The following PSME4 variants were observed in gnomAD, a reference collection of about 807,000 sequenced individuals.
PSME4 encodes the protein proteasome activator subunit 4.
Under a neutral mutation model 253.9 loss-of-function variants are expected in PSME4, and 89 were observed. The ratio of observed to expected loss-of-function variants is 0.35; its 90% confidence interval spans 0.30 to 0.42. PSME4 has a LOEUF of 0.42. Among genes scored for constraint, PSME4 ranks in the 10% least tolerant of loss-of-function variants. The pLI, the probability that PSME4 is intolerant of heterozygous loss-of-function variation, is 1.00. For synonymous variants in PSME4, 851 were observed against 759.2 expected (o/e 1.12, Z -1.99); for missense variants, 2,014 against 2,195.2 (o/e 0.92, Z 1.65).
rs1294457902 is a variant in PSME4, at chr2:53,887,896, G to A, written c.4482C>T (p.Leu1494=). 3.7e-6 allele frequency: 6 copies of A among 1,603,728 alleles called. No homozygotes were observed. The highest frequency in any genetic ancestry group is 5.1e-6 in the Non-Finnish European group (6 of 1,170,736). Residue 1494 remains leucine (L), a synonymous_variant, in exon 39 of 47, where the codon CTC becomes CTT. Coordinates refer to ENST00000404125, the MANE Select transcript of PSME4 (RefSeq NM_014614.3). ...CTCTGACATTTTTGTAAACCTGGGT[G>A]AGTTTGGGTTCCAAGTACTTCAGTA... is the stretch of plus-strand genomic sequence containing the variant. ...HRLLKYLEPK[L]TQVYKNVRER... is the part of the protein sequence containing the mutation.
At chr2:53,939,841 A>C in intron 4 of PSME4, 115 bp downstream of exon 4, 3 of 829,736 alleles carry the variant, frequency 3.6e-6, no homozygotes, top group Non-Finnish European at 5.6e-6. Context: ...CTCAGTGACT[A>C]ACATCACAAT....
chr2:53,959,631 G>A (rs2104486388), intron 1 of PSME4, among the ~76,000 whole-genome samples: 1 of 152,200 alleles, frequency 6.6e-6, no homozygotes, highest in African/African-American at 2.4e-5. Context: ...GAAAACTAAG[G>A]GATCAGGAAC....
At chr2:53,909,107 A>C (rs1335577651) in intron 21 of PSME4, among the ~76,000 whole-genome samples, 1 of 152,174 alleles carries the variant, frequency 6.6e-6, no homozygotes, top group African/African-American at 2.4e-5. Flanking sequence ...CCTGCTTATA[A>C]AACTTCATGG....
chr2:53,889,951 G>T (rs1260954266), intron 37 of PSME4, among the ~76,000 whole-genome samples, 153 bp downstream of exon 37: 1 of 152,102 alleles, frequency 6.6e-6, no homozygotes, highest in African/African-American at 2.4e-5. Flanking sequence ...TAGAATAATA[G>T]TCTCTAATCC....
At chr2:53,933,902 C>CA (rs1434280600) in intron 8 of PSME4, among the ~76,000 whole-genome samples, 1 of 151,952 alleles carries the variant, frequency 6.6e-6, no homozygotes, top group Non-Finnish European at 1.5e-5. Flanking sequence ...AATAAAATGG[C>CA]AAAAACAAGG....
intron 1 of PSME4, 75 bp from the exon 2 acceptor site, chr2:53,949,358 T>C (rs974292726): frequency 7.1e-6 from 7 of 987,236 alleles, no homozygotes; most frequent in African/African-American, 6.7e-5. Context: ...GCATTATCCA[T>C]AGAAGCCAAG....
rs1678517796 is a variant in PSME4 at position 53,865,376 on chromosome 2, A to T, written c.*202T>A. The T allele has an allele frequency of 6.6e-6, 1 of 152,546 alleles. No individual in the cohort carries two copies. 9.4% of individuals were successfully genotyped at this position (152,546 alleles called of 1,614,324 possible). ...AAAAAAAAAGTGATCAGTATTCTGG[A>T]AACACTTCCGGACAAGTTGGGAAAT... On this transcript the variant is annotated 3_prime_UTR_variant, in exon 47 of 47. Coordinates refer to ENST00000404125, the MANE Select transcript of PSME4 (RefSeq NM_014614.3).
chr2:53,951,161 C>A (rs1028888611), intron 1 of PSME4, among the ~76,000 whole-genome samples: 1 of 152,126 alleles, frequency 6.6e-6, no homozygotes, highest in African/African-American at 2.4e-5. Context: ...CAGCTCACCG[C>A]AACCTCTGCC....
In PSME4 at chr2:53,936,844, T is replaced by C. The variant is rs756945097; in HGVS notation, c.696-17A>G. ...AACCAAAGTCTAAAGAAGAAAAATG[T>C]TGTTATGAATAGCAAGTGATTTTAA... On this transcript the variant is annotated splice_polypyrimidine_tract_variant and intron_variant, in intron 5 of 46. Transcript: ENST00000404125. 1.9e-6 allele frequency: 3 copies of C among 1,551,298 alleles called. No individual in the cohort carries two copies. The highest frequency in any genetic ancestry group is 4.7e-5 in the East Asian group (2 of 42,678).
At position 53,949,157 on chromosome 2, in the gene PSME4, C is replaced by A; in HGVS notation, c.369G>T (p.Leu123Phe). 6.3e-7 allele frequency: 1 copy of A among 1,596,870 alleles called. No homozygotes were observed. The highest frequency in any genetic ancestry group is 8.5e-7 in the Non-Finnish European group (1 of 1,171,664). Residue 123 changes from leucine to phenylalanine, a missense_variant, in exon 2 of 47, where the codon TTG becomes TTT. Physicochemically the swap from Leu to Phe is conservative, Grantham distance 22. This residue lies in a region of PSME4 where 615 missense variants were observed against 594.4 expected (regional missense o/e 1.03). Transcript: ENST00000404125. ...AAAAGACTTACTTTAACAAGTTGAT[C>A]AAAAGGCGGGCAAATCCCTGCATCA... Reference protein sequence around the residue: ...ISMMQGFARLLINLLKKKELL... With the variant: ...ISMMQGFARLFINLLKKKELL...
chr2:53,923,175 A>T (rs1668400803), intron 15 of PSME4, 57 bp from the exon 16 acceptor site: 26 of 1,512,298 alleles, frequency 1.7e-5, no homozygotes, highest in Non-Finnish European at 2.3e-5. Flanking sequence ...ATACAAGATT[A>T]TATTTTCAGT....
At chr2:53,878,725 T>C (rs928149594) in intron 41 of PSME4, among the ~76,000 whole-genome samples, 1 of 152,186 alleles carries the variant, frequency 6.6e-6, no homozygotes, top group Non-Finnish European at 1.5e-5. Flanking sequence ...ATGAGGAAAT[T>C]CCTGCCTAAT....
chr2:53,929,144 C>T (rs1026557085), intron 10 of PSME4, among the ~76,000 whole-genome samples: 12 of 145,296 alleles, frequency 8.3e-5, no homozygotes, highest in South Asian at 2.3e-4. Flanking sequence ...CCAGCCTGGG[C>T]GACAGAGCAA....
chr2:53,936,205 T>C lies in PSME4; in HGVS notation c.760-44A>G, dbSNP rs763145792. 6.2e-6 allele frequency: 10 copies of C among 1,609,862 alleles called. No individual in the cohort carries two copies. In the South Asian group the frequency reaches 7.7e-5, roughly 12 times the overall value. ...GACAAAGTTAATATATTTGTTGTTA[T>C]TGTTTAAGTGTCATAGTCACACCCC... is the stretch of plus-strand genomic sequence containing the variant. On this transcript the variant is annotated intron_variant, in intron 6 of 46. Transcript: ENST00000404125.
At position 53,875,645 on chromosome 2, in the gene PSME4, T is replaced by C; in HGVS notation, c.4926A>G (p.Val1642=). The C allele has an allele frequency of 6.2e-7, 1 of 1,607,244 alleles. No individual in the cohort carries two copies. Among genetic ancestry groups the C allele is most frequent in the Non-Finnish European group, 8.5e-7 (1 of 1,177,824 alleles). The change falls in exon 42 of 47, where the codon GTA becomes GTG. Residue 1642 remains valine, a synonymous_variant. Coordinates refer to ENST00000404125, the MANE Select transcript of PSME4 (RefSeq NM_014614.3). The stretch of plus-strand genomic sequence containing the variant: ...CTCTTACTTGTTTTAGCACCTGAAG[T>C]ACCAAAGGCACTTGATGAGGGTAAA... ...GLLYPHQVPL[V]LQVLKQTARS... is the part of the protein sequence containing the mutation.
At chr2:53,939,194 G>A (rs972220111) in intron 4 of PSME4, among the ~76,000 whole-genome samples, 1 of 152,120 alleles carries the variant, frequency 6.6e-6, no homozygotes, top group African/African-American at 2.4e-5. Flanking sequence ...CAGAAGGTCA[G>A]CAATAAATAT....
chr2:53,935,879 C>T lies in PSME4; in HGVS notation c.834+208G>A, dbSNP rs1407782008. The stretch of plus-strand genomic sequence containing the variant: ...AACATAAAATTGTTGTTGGTGCTAT[C>T]GTATTTATGTTCAAAATGTTTTTTT... On this transcript the variant is annotated intron_variant, in intron 7 of 46. Transcript: ENST00000404125. Among the ~76,000 whole-genome samples, 10 of 151,536 alleles carry T rather than the reference C, an allele frequency of 6.6e-5. No homozygotes were observed. In the East Asian group the frequency reaches 1.6e-3, roughly 23 times the overall value.
intron 27 of PSME4, among the ~76,000 whole-genome samples, chr2:53,902,190 CAT>C (rs1558666245): frequency 1.3e-5 from 2 of 152,176 alleles, no homozygotes; most frequent in Non-Finnish European, 2.9e-5. Context: ...AAAACCACAA[CAT>C]GTGTCACTCT....
intron 1 of PSME4, among the ~76,000 whole-genome samples, chr2:53,958,248 C>T (rs1670323315): frequency 6.6e-6 from 1 of 150,776 alleles, no homozygotes; most frequent in Admixed American, 6.6e-5. Flanking sequence ...CCCAGCTACT[C>T]GGGAGGCTGA....
Sources: gnomAD v4.1 joint callset for allele counts (sites outside exome capture counted in the v4.1 genomes callset) on GRCh38, gnomAD v4.1.1 for gene constraint, gnomAD v4.1.1 regional missense constraint, MANE v1.5 for transcripts, NCBI Gene and HGNC (gene_info 2026-07-23, HGNC 2026-07-21) for gene names.